CEP135: variants seen among roughly 807,000 people sequenced by gnomAD.
The protein encoded by CEP135 is centrosomal protein 135.
In CEP135, 142 loss-of-function variants were observed where a neutral mutation model predicts 157.3. That is an observed-to-expected ratio of 0.90 (90% CI 0.79 to 1.04). CEP135 has a LOEUF of 1.04. CEP135 is among the 50% of genes least tolerant of loss of function. The pLI, the probability that CEP135 is intolerant of heterozygous loss-of-function variation, is 0.00. For missense variants in CEP135, 1,317 were observed against 1,309.2 expected, an observed-to-expected ratio of 1.01 and a Z score of -0.09; for synonymous variants, 396 against 439.8, an observed-to-expected ratio of 0.90 and a Z score of 1.25.
chr4:56,004,609 A>G (rs554015436), intron 17 of CEP135, among the ~76,000 whole-genome samples: 1 of 152,288 alleles, frequency 6.6e-6, no homozygotes, highest in South Asian at 2.1e-4. Flanking sequence ...ATAAATATGT[A>G]TAATTATTAT....
At chr4:55,962,682 ACTT>A (rs1560399681) in intron 6 of CEP135, among the ~76,000 whole-genome samples, 2 of 109,682 alleles carry the variant, frequency 1.8e-5, no homozygotes, top group Middle Eastern at 4.5e-3. Flanking sequence ...GCTCTTTGAA[ACTT>A]CTTCCATGAC....
At position 55,971,417 on chromosome 4, in the gene CEP135, T is replaced by C; in HGVS notation, c.1249+9T>C. On this transcript the variant is annotated intron_variant, in intron 10 of 25. Transcript: ENST00000257287. ...AAGTTTTGCAGTTACAGGTAAGATG[T>C]CAAATTTTGATAGCTAAAGAATGAT... is the stretch of plus-strand genomic sequence containing the variant. The C allele has an allele frequency of 6.3e-7, 1 of 1,586,070 alleles. No homozygotes were observed. The highest frequency in any genetic ancestry group is 1.8e-4 in the Middle Eastern group (1 of 5,626).
intron 4 of CEP135, among the ~76,000 whole-genome samples, chr4:55,955,673 A>C (rs939823137): frequency 1.3e-5 from 2 of 152,228 alleles, no homozygotes; most frequent in Admixed American, 6.5e-5. Flanking sequence ...CAAGATAGTG[A>C]GTAAATGTAG....
intron 15 of CEP135, among the ~76,000 whole-genome samples, chr4:55,998,840 G>C (rs555305168): frequency 1.3e-5 from 2 of 152,342 alleles, no homozygotes; most frequent in Admixed American, 1.3e-4. Flanking sequence ...ACTCCAGCCT[G>C]TGTGTCAGAG....
At chr4:56,004,145 C>T (rs1397485264) in intron 17 of CEP135, among the ~76,000 whole-genome samples, 1 of 152,068 alleles carries the variant, frequency 6.6e-6, no homozygotes, top group Non-Finnish European at 1.5e-5. Context: ...TTTTAATTGC[C>T]TTTTTAATTT....
intron 17 of CEP135, among the ~76,000 whole-genome samples, chr4:55,999,864 A>G (rs1195845911): frequency 1.3e-5 from 2 of 152,060 alleles, no homozygotes; most frequent in Non-Finnish European, 2.9e-5. Context: ...AGTTTATTGT[A>G]TTTTCACTTA....
At chr4:55,977,259 A>G (rs1729254849) in intron 11 of CEP135, among the ~76,000 whole-genome samples, 1 of 152,212 alleles carries the variant, frequency 6.6e-6, no homozygotes, top group African/African-American at 2.4e-5. Context: ...TGGGATTGTA[A>G]TAACTCAGAA....
At chr4:55,981,085 A>T in intron 12 of CEP135, 142 bp from the exon 13 acceptor site, 1 of 698,278 alleles carries the variant, frequency 1.4e-6, no homozygotes, top group Non-Finnish European at 2.2e-6. Flanking sequence ...TTACTATTTT[A>T]ATCTTTTGTT....
chr4:55,956,881 T>A (rs537843959), intron 4 of CEP135, among the ~76,000 whole-genome samples: 2 of 152,302 alleles, frequency 1.3e-5, no homozygotes, highest in Admixed American at 6.5e-5. Context: ...TCCAAAGTGC[T>A]GGGATTATAG....
intron 11 of CEP135, among the ~76,000 whole-genome samples, chr4:55,979,289 G>A (rs565433230): frequency 2.4e-4 from 37 of 152,180 alleles, no homozygotes; most frequent in Non-Finnish European, 4.6e-4. Flanking sequence ...TGTGCATGGG[G>A]AGAATCAGAG....
Position 55,965,607 on chromosome 4 carries a change from C to T in CEP135, c.829-37C>T. On this transcript the variant is annotated intron_variant, in intron 7 of 25. Coordinates refer to ENST00000257287, the MANE Select transcript of CEP135 (RefSeq NM_025009.5). ...AAAGTCAGTGTTTAGGATAATTTTC[C>T]AATTCATATACCTCATAAATTACAA... 7 of 1,399,222 alleles carry T rather than the reference C, an allele frequency of 5.0e-6. No homozygotes were observed. In the East Asian group the frequency reaches 7.1e-5, roughly 14 times the overall value. The allele number at this position is 1,399,222 out of a possible 1,614,324, so 86.7% of individuals were successfully genotyped here.
At chr4:55,978,637 A>C (rs1235717265) in intron 11 of CEP135, among the ~76,000 whole-genome samples, 1 of 152,160 alleles carries the variant, frequency 6.6e-6, no homozygotes, top group Admixed American at 6.5e-5. Flanking sequence ...TGTAACCTTG[A>C]ACTCCTGGGC....
Position 56,013,855 on chromosome 4 carries a change from T to A in CEP135, c.2802+1870T>A, listed in dbSNP as rs538948526. Reference sequence around the variant, plus strand: ...GGAAAAAGTGTCTTTGCAGATGGAATCAAGTTAAAATGAGGTCATAGCGGA... The same window carrying A: ...GGAAAAAGTGTCTTTGCAGATGGAAACAAGTTAAAATGAGGTCATAGCGGA... On this transcript the variant is annotated intron_variant, in intron 21 of 25. Transcript: ENST00000257287. Among the ~76,000 whole-genome samples, 52 of 152,256 alleles carry A rather than the reference T, an allele frequency of 3.4e-4. 3 individuals are homozygous for A. The East Asian group carries it at 4.2e-3, about 12-fold the overall frequency.
At chr4:56,000,043 T>C (rs1315447889) in intron 17 of CEP135, among the ~76,000 whole-genome samples, 1 of 151,886 alleles carries the variant, frequency 6.6e-6, no homozygotes, top group Non-Finnish European at 1.5e-5. Flanking sequence ...TACAAAAAAT[T>C]AGCTAGGTGT....
chr4:55,978,708 G>A (rs1729304449), intron 11 of CEP135, among the ~76,000 whole-genome samples: 1 of 152,082 alleles, frequency 6.6e-6, no homozygotes, highest in Non-Finnish European at 1.5e-5. Context: ...GCACCACTAT[G>A]CCTGGCTAAT....
chr4:56,014,197 G>T (rs924851179), intron 21 of CEP135, among the ~76,000 whole-genome samples: 1 of 152,178 alleles, frequency 6.6e-6, no homozygotes, highest in African/African-American at 2.4e-5. Flanking sequence ...TGTTACAGCT[G>T]CCCTAGGAAA....
intron 23 of CEP135, among the ~76,000 whole-genome samples, chr4:56,020,240 G>A (rs1266709299): frequency 2.6e-5 from 4 of 152,130 alleles, no homozygotes; most frequent in Non-Finnish European, 4.4e-5. Flanking sequence ...TGATTACTTT[G>A]GGAGAGACTG....
intron 15 of CEP135, among the ~76,000 whole-genome samples, chr4:55,998,939 A>G (rs1164715637): frequency 2.0e-5 from 3 of 152,250 alleles, no homozygotes; most frequent in Non-Finnish European, 2.9e-5. Flanking sequence ...GCCAGGTCAT[A>G]CTGTAAGAAC....
At chr4:55,995,624 CTAAA>C (rs1296676702) in intron 15 of CEP135, among the ~76,000 whole-genome samples, 1 of 152,112 alleles carries the variant, frequency 6.6e-6, no homozygotes, top group African/African-American at 2.4e-5. Context: ...TCATATGTCA[CTAAA>C]TAATAATTTT....
Sources: allele counts gnomAD v4.1 joint callset (sites outside exome capture counted in the v4.1 genomes callset), GRCh38; gene constraint gnomAD v4.1.1; transcripts MANE v1.5; gene names NCBI Gene and HGNC (gene_info 2026-07-23, HGNC 2026-07-21).